Variants in PROKR1 observed in about 807,000 individuals in gnomAD.
PROKR1 encodes the protein G protein-coupled receptor 73.
PROKR1 carries 21 observed loss-of-function variants against 22.8 expected under a neutral mutation model. The observed-to-expected ratio is 0.92, with a 90% CI of 0.65 to 1.32. PROKR1 has a LOEUF of 1.32. Ranked by LOEUF, PROKR1 falls within the 40% of genes most tolerant of loss-of-function variation. The pLI is 0.00. For missense variants in PROKR1, 548 were observed against 514.2 expected (o/e 1.07, Z -0.64); for synonymous variants, 193 against 207.5 (o/e 0.93, Z 0.60).
chr2:68,643,992 C>T (rs998475578), intron 1 of PROKR1, 144 bp downstream of exon 1: 42 of 152,294 alleles, frequency 2.8e-4, no homozygotes, highest in African/African-American at 8.9e-4. Context: ...AGCCAGGCTT[C>T]CCCTCCTCTG....
intron 2 of PROKR1, among the ~76,000 whole-genome samples, chr2:68,651,320 G>A (rs1673320455): frequency 6.6e-6 from 1 of 152,180 alleles, no homozygotes; most frequent in South Asian, 2.1e-4. Flanking sequence ...CTGTTATCAT[G>A]CCACTGCACT....
chr2:68,655,372 C>T lies in PROKR1; in HGVS notation c.978C>T (p.Ile326=), dbSNP rs1231056509. Residue 326 remains isoleucine, a synonymous_variant, in exon 3 of 3, where the codon ATC becomes ATT. Coordinates refer to ENST00000303786, the MANE Select transcript of PROKR1 (RefSeq NM_138964.4). Reference sequence around the variant, plus strand: ...AGCACTACCTCACTGCCTTCTACATCGTCGAGTGCATCGCCATGAGCAACA... The same window carrying T: ...AGCACTACCTCACTGCCTTCTACATTGTCGAGTGCATCGCCATGAGCAACA... ...KEKHYLTAFY[I]VECIAMSNSM... 1 of 1,614,196 alleles carries T rather than the reference C, an allele frequency of 6.2e-7. No individual in the cohort carries two copies. The highest frequency in any genetic ancestry group is 1.1e-5 in the South Asian group (1 of 91,088).
At position 68,656,792 on chromosome 2, in the gene PROKR1, A is replaced by T. The variant is rs13424273; in HGVS notation, c.*1216A>T. The T allele has an allele frequency of 0.23, 35,412 of 152,100 alleles. 4,787 individuals are homozygous for T. Among genetic ancestry groups the T allele is most frequent in the African/African-American group, 0.38 (15,716 of 41,450 alleles). 9.4% of individuals were successfully genotyped at this position (152,100 alleles called of 1,614,324 possible). A position where few individuals can be genotyped will look rare whatever the true frequency, so the allele number is the denominator to read the frequency against. On this transcript the variant is annotated 3_prime_UTR_variant, in exon 3 of 3. Transcript: ENST00000303786. ...GATTAAGACTTGCTTTGCTTCTAAAATAGGGGTCCTCTTAGGAGGGATAAG... is the reference window on the plus strand; with the variant it reads ...GATTAAGACTTGCTTTGCTTCTAAATTAGGGGTCCTCTTAGGAGGGATAAG...
At chr2:68,647,696 C>T (rs979346955) in intron 2 of PROKR1, among the ~76,000 whole-genome samples, 1 of 152,196 alleles carries the variant, frequency 6.6e-6, no homozygotes. Context: ...CCTCCCTTCT[C>T]TAGGGAAGGA....
In PROKR1 at chr2:68,645,871, C is replaced by T; in HGVS notation, c.50C>T (p.Thr17Ile). Residue 17 changes from threonine (T) to isoleucine (I), a missense_variant, in exon 2 of 3, where the codon ACC becomes ATC. Thr to Ile is a moderately conservative substitution (Grantham distance 89). Transcript: ENST00000303786. ...GATGACAATGCCACCAACACTTCCA[C>T]CAGCTTCCTTTCTGTGCTCAACCCT... ...FMDDNATNTS[T>I]SFLSVLNPHG... The T allele has an allele frequency of 6.2e-7, 1 of 1,614,256 alleles. No individual in the cohort carries two copies. Among genetic ancestry groups the T allele is most frequent in the Non-Finnish European group, 8.5e-7 (1 of 1,180,044 alleles).
chr2:68,648,778 TA>T (rs1395221675), intron 2 of PROKR1, among the ~76,000 whole-genome samples: 6 of 152,224 alleles, frequency 3.9e-5, no homozygotes, highest in Non-Finnish European at 7.3e-5. Flanking sequence ...TATTTTTGCT[TA>T]ATGAAATTTC....
At chr2:68,651,373 A>T (rs1316752345) in intron 2 of PROKR1, among the ~76,000 whole-genome samples, 1 of 152,146 alleles carries the variant, frequency 6.6e-6, no homozygotes. Flanking sequence ...TCTTTTAAAA[A>T]GACAAAACAA....
chr2:68,648,480 G>T (rs1383903332), intron 2 of PROKR1, among the ~76,000 whole-genome samples: 2 of 152,100 alleles, frequency 1.3e-5, no homozygotes. Context: ...GTTGAGTGGG[G>T]TTATGATAGG....
In PROKR1 at chr2:68,646,215, C is replaced by T. The variant is rs764964441; in HGVS notation, c.394C>T (p.His132Tyr). 3 of 1,612,116 alleles carry T rather than the reference C, an allele frequency of 1.9e-6. No individual in the cohort carries two copies. The highest frequency in any genetic ancestry group is 2.5e-6 in the Non-Finnish European group (3 of 1,178,768). The part of the protein sequence containing the change: ...YYVVRQLSWE[H>Y]GHVLCTSVNY... The stretch of plus-strand genomic sequence containing the variant: ...TGTGGTGCGCCAGCTCTCCTGGGAG[C>T]ACGGCCACGTCCTGTGCACCTCTGT... The change falls in exon 2 of 3, where the codon CAC (histidine) becomes TAC (tyrosine). Residue 132 changes from histidine to tyrosine, a missense_variant. Coordinates refer to ENST00000303786, the MANE Select transcript of PROKR1 (RefSeq NM_138964.4).
At chr2:68,651,252 A>G (rs1387020460) in intron 2 of PROKR1, among the ~76,000 whole-genome samples, 1 of 152,076 alleles carries the variant, frequency 6.6e-6, no homozygotes, top group African/African-American at 2.4e-5. Context: ...AGTCCCAGCT[A>G]CTCAGGAGGC....
chr2:68,650,599 T>G (rs1673295318), intron 2 of PROKR1, among the ~76,000 whole-genome samples: 1 of 152,010 alleles, frequency 6.6e-6, no homozygotes, highest in African/African-American at 2.4e-5. Flanking sequence ...ACCAAAATCC[T>G]GTTAGGTACT....
At chr2:68,646,845 C>G (rs146663751) in intron 2 of PROKR1, among the ~76,000 whole-genome samples, 1 of 152,088 alleles carries the variant, frequency 6.6e-6, no homozygotes, top group African/African-American at 2.4e-5. Flanking sequence ...GCCAGGAGTT[C>G]GAGACCAGCA....
chr2:68,646,031 G>A lies in PROKR1; in HGVS notation c.210G>A (p.Val70=). The A allele has an allele frequency of 6.2e-7, 1 of 1,614,262 alleles. No homozygotes were observed. The highest frequency in any genetic ancestry group is 8.5e-7 in the Non-Finnish European group (1 of 1,180,058). ...AGATTGTCATTGGGATGGCCCTGGT[G>A]GGCATCATGCTGGTCTGCGGCATTG... ...AAKIVIGMAL[V]GIMLVCGIGN... Residue 70 remains valine, a synonymous_variant, in exon 2 of 3, where the codon GTG becomes GTA. Coordinates refer to ENST00000303786, the MANE Select transcript of PROKR1 (RefSeq NM_138964.4).
intron 2 of PROKR1, among the ~76,000 whole-genome samples, chr2:68,654,459 C>T (rs911186644): frequency 3.3e-5 from 5 of 152,068 alleles, no homozygotes; most frequent in Non-Finnish European, 7.4e-5. Flanking sequence ...TTAGAGATGA[C>T]ATTGGGGTTT....
rs1673439481 is a variant in PROKR1 at position 68,655,660 on chromosome 2, C to T, written c.*84C>T. 1.6e-5 allele frequency: 22 copies of T among 1,368,328 alleles called. 1 individual carries two copies. The South Asian group carries it at 2.2e-4, about 14-fold the overall frequency. 84.8% of individuals were successfully genotyped at this position (1,368,328 alleles called of 1,614,324 possible). On this transcript the variant is annotated 3_prime_UTR_variant, in exon 3 of 3. Transcript: ENST00000303786. ...TGCTTGGATGCACATCAACCTGGAACTTTTTGTTTGCTGCAGAGGGTAAAG... is the reference window on the plus strand; with the variant it reads ...TGCTTGGATGCACATCAACCTGGAATTTTTTGTTTGCTGCAGAGGGTAAAG...
In PROKR1 at chr2:68,654,953, T is replaced by C; in HGVS notation, c.559T>C (p.Trp187Arg). 21 of 1,613,818 alleles carry C rather than the reference T, an allele frequency of 1.3e-5. No homozygotes were observed. The highest frequency in any genetic ancestry group is 1.8e-5 in the Non-Finnish European group (21 of 1,180,000). Residue 187 changes from tryptophan to arginine, a missense_variant, in exon 3 of 3, where the codon TGG (tryptophan) becomes CGG (arginine). Physicochemically the swap from Trp to Arg is moderately radical, Grantham distance 101. Transcript: ENST00000303786. ...QTATGLIALV[W>R]TVSILIAIPS... ...AGCCACTGGCCTGATTGCCTTGGTGTGGACGGTGTCCATCCTGATCGCCAT... is the reference window on the plus strand; with the variant it reads ...AGCCACTGGCCTGATTGCCTTGGTGCGGACGGTGTCCATCCTGATCGCCAT...
At chr2:68,649,512 G>C (rs1017968778) in intron 2 of PROKR1, 1 of 152,116 alleles carries the variant, frequency 6.6e-6, no homozygotes, top group African/African-American at 2.4e-5. Flanking sequence ...GCAAGCACTG[G>C]AGATACGACA....
At chr2:68,651,668 G>A (rs554012635) in intron 2 of PROKR1, among the ~76,000 whole-genome samples, 2 of 152,170 alleles carry the variant, frequency 1.3e-5, no homozygotes, top group South Asian at 2.1e-4. Context: ...TGTTATCTCT[G>A]CCCATCCCAT....
chr2:68,656,990 T>A lies in PROKR1; in HGVS notation c.*1414T>A, dbSNP rs959831171. Reference sequence around the variant, plus strand: ...GACCCCATAGGTTGTTGAAGACTCATCCCACTTTCTAACCTGCCTCCTTTG... The same window carrying A: ...GACCCCATAGGTTGTTGAAGACTCAACCCACTTTCTAACCTGCCTCCTTTG... On this transcript the variant is annotated 3_prime_UTR_variant, in exon 3 of 3. Coordinates refer to ENST00000303786, the MANE Select transcript of PROKR1 (RefSeq NM_138964.4). 6.6e-5 allele frequency: 10 copies of A among 152,184 alleles called. No homozygotes were observed. The highest frequency in any genetic ancestry group is 2.4e-4 in the African/African-American group (10 of 41,414). The allele number at this position is 152,184 out of a possible 1,614,324, so 9.4% of individuals were successfully genotyped here.
Sources: gnomAD v4.1 joint callset for allele counts (sites outside exome capture counted in the v4.1 genomes callset) on GRCh38, gnomAD v4.1.1 for gene constraint, MANE v1.5 for transcripts, NCBI Gene and HGNC (gene_info 2026-07-23, HGNC 2026-07-21) for gene names.